Variants in ZNF248 observed in about 807,000 individuals in gnomAD.
The protein encoded by ZNF248 is KRAB protein domain.
ZNF248 carries 20 observed loss-of-function variants against 44.3 expected under a neutral mutation model. That is an observed-to-expected ratio of 0.45 (90% CI 0.32 to 0.66). The LOEUF (loss-of-function observed/expected upper bound fraction) is 0.66, where lower values mean the gene tolerates loss of function less well. ZNF248 is among the 30% of genes least tolerant of loss of function. The probability of loss-of-function intolerance (pLI) is 0.04; values close to 1 mark genes in which losing one functional copy is unlikely to be tolerated. For missense variants in ZNF248, 654 were observed against 677.0 expected, an observed-to-expected ratio of 0.97 and a Z score of 0.38; for synonymous variants, 224 against 229.0, an observed-to-expected ratio of 0.98 and a Z score of 0.20.
At chr10:37,782,516 T>G (rs1369549093) in intron 6 of ZNF248, among the ~76,000 whole-genome samples, 1 of 152,054 alleles carries the variant, frequency 6.6e-6, no homozygotes, top group African/African-American at 2.4e-5. Flanking sequence ...CAGAAAGACA[T>G]GTTCAAGTCC....
At chr10:37,806,593 T>G (rs2050597215) in intron 6 of ZNF248, among the ~76,000 whole-genome samples, 1 of 152,156 alleles carries the variant, frequency 6.6e-6, no homozygotes, top group Non-Finnish European at 1.5e-5. Flanking sequence ...ATTTGTTCAT[T>G]TTGTTGTTGT....
At chr10:37,790,450 C>T (rs997417286) in intron 6 of ZNF248, among the ~76,000 whole-genome samples, 1 of 151,574 alleles carries the variant, frequency 6.6e-6, no homozygotes, top group Admixed American at 6.6e-5. Context: ...CAGTGGCTCA[C>T]GCCTGTAATC....
At chr10:37,806,287 C>T (rs2050551802) in intron 6 of ZNF248, among the ~76,000 whole-genome samples, 1 of 152,202 alleles carries the variant, frequency 6.6e-6, no homozygotes, top group South Asian at 2.1e-4. Flanking sequence ...AATAGCTGCA[C>T]CATTTTCCAT....
chr10:37,809,931 G>A (rs564474833), intron 6 of ZNF248, among the ~76,000 whole-genome samples: 1 of 152,136 alleles, frequency 6.6e-6, no homozygotes, highest in East Asian at 1.9e-4. Context: ...AAAATCTATT[G>A]AGACTTAATT....
At chr10:37,821,895 T>C (rs2053528538) in intron 6 of ZNF248, among the ~76,000 whole-genome samples, 1 of 152,196 alleles carries the variant, frequency 6.6e-6, no homozygotes, top group African/African-American at 2.4e-5. Flanking sequence ...AATTCCAAAG[T>C]GCACAAACTA....
At chr10:37,769,881 C>A in the ZNF248 span, among the ~76,000 whole-genome samples, 1 of 152,170 alleles carries the variant, frequency 6.6e-6, no homozygotes, top group Non-Finnish European at 1.5e-5. Flanking sequence ...ACCCCATTGT[C>A]TCAGCCCAAA....
chr10:37,770,102 C>T, the ZNF248 span, among the ~76,000 whole-genome samples: 2 of 152,198 alleles, frequency 1.3e-5, no homozygotes, highest in African/African-American at 4.8e-5. Context: ...AACTACAAAC[C>T]ACTGCTCAAT....
At chr10:37,796,409 G>C (rs970758192) in intron 6 of ZNF248, among the ~76,000 whole-genome samples, 10 of 151,560 alleles carry the variant, frequency 6.6e-5, no homozygotes, top group African/African-American at 2.2e-4. Context: ...ATTAAAGACA[G>C]GGTTTCACCA....
chr10:37,824,447 G>A (rs868823405), downstream of ZNF248, among the ~76,000 whole-genome samples: 1 of 152,054 alleles, frequency 6.6e-6, no homozygotes, highest in Non-Finnish European at 1.5e-5. Context: ...CCATCACAGT[G>A]ACATTTCAAA....
rs912146515 is a variant in ZNF248 at position 37,831,497 on chromosome 10, T to G, written c.*118A>C. The G allele has an allele frequency of 2.0e-6, 3 of 1,467,430 alleles. No homozygotes were observed. The African/African-American group carries it at 4.3e-5, about 21-fold the overall frequency. The allele number at this position is 1,467,430 out of a possible 1,614,324, so 90.9% of individuals were successfully genotyped here. Reference sequence around the variant, plus strand: ...AAAGTTTTAATTTTTCTTGAAAGCTTTTACATATTCAAACAAGAAGTCATT... The same window carrying G: ...AAAGTTTTAATTTTTCTTGAAAGCTGTTACATATTCAAACAAGAAGTCATT... On this transcript the variant is annotated 3_prime_UTR_variant, in exon 6 of 6. Transcript: ENST00000395867.
At chr10:37,769,607 T>C in the ZNF248 span, among the ~76,000 whole-genome samples, 22 of 152,266 alleles carry the variant, frequency 1.4e-4, no homozygotes, top group African/African-American at 2.4e-5. Flanking sequence ...AAATTAAGTA[T>C]TGACGGGACG....
chr10:37,766,443 G>T, the ZNF248 span, among the ~76,000 whole-genome samples: 2 of 152,128 alleles, frequency 1.3e-5, no homozygotes, highest in Non-Finnish European at 2.9e-5. Flanking sequence ...CAGCATTTGC[G>T]GTTCACCAAG....
intron 6 of ZNF248, among the ~76,000 whole-genome samples, chr10:37,786,742 T>C (rs977005177): frequency 6.6e-6 from 1 of 152,228 alleles, no homozygotes; most frequent in Non-Finnish European, 1.5e-5. Flanking sequence ...GGGTTAATAA[T>C]TGTATTCTAC....
intron 6 of ZNF248, among the ~76,000 whole-genome samples, chr10:37,817,429 A>T (rs1289093211): frequency 6.6e-6 from 1 of 152,152 alleles, no homozygotes; most frequent in Non-Finnish European, 1.5e-5. Flanking sequence ...CAGGTATTCA[A>T]ATTGTGAAGA....
At chr10:37,802,417 C>A (rs148710447) in intron 6 of ZNF248, among the ~76,000 whole-genome samples, 2 of 152,274 alleles carry the variant, frequency 1.3e-5, no homozygotes, top group South Asian at 2.1e-4. Context: ...GGAACACCCA[C>A]GTGTCCATGC....
chr10:37,819,728 G>A (rs2053148735), intron 6 of ZNF248: 2 of 782,312 alleles, frequency 2.6e-6, no homozygotes, highest in South Asian at 2.7e-5. Flanking sequence ...TTCTGCTAAT[G>A]TTAACGTTTT....
chr10:37,792,439 G>T (rs1301949488), intron 6 of ZNF248, among the ~76,000 whole-genome samples: 3 of 152,162 alleles, frequency 2.0e-5, no homozygotes, highest in African/African-American at 7.2e-5. Flanking sequence ...AATAATATAT[G>T]TATTTATCCC....
At chr10:37,789,611 A>C (rs1055330344) in intron 6 of ZNF248, among the ~76,000 whole-genome samples, 11 of 152,198 alleles carry the variant, frequency 7.2e-5, no homozygotes, top group African/African-American at 2.7e-4. Flanking sequence ...TAGCTTACTC[A>C]TCCAAAAATG....
chr10:37,805,189 A>T (rs538064015), intron 6 of ZNF248, among the ~76,000 whole-genome samples: 11 of 152,292 alleles, frequency 7.2e-5, no homozygotes, highest in African/African-American at 2.6e-4. Context: ...CACCCTGAGG[A>T]TTTCTAGCTT....
Sources: allele counts gnomAD v4.1 joint callset (sites outside exome capture counted in the v4.1 genomes callset), GRCh38; gene constraint gnomAD v4.1.1; transcripts MANE v1.5; gene names NCBI Gene and HGNC (gene_info 2026-07-23, HGNC 2026-07-21).